Variants in FBXL15 observed in about 807,000 individuals in gnomAD.
The protein encoded by FBXL15 is F-box and leucine rich repeat protein 15.
A neutral mutation model predicts 23.6 loss-of-function variants in FBXL15; 19 were observed. The observed-to-expected ratio is 0.81, with a 90% CI of 0.56 to 1.18. The LOEUF is 1.18. Among genes scored for constraint, FBXL15 ranks in the 50% most tolerant of loss-of-function variants. The pLI is 0.00. For missense variants in FBXL15, 385 were observed against 425.4 expected, an observed-to-expected ratio of 0.91 and a Z score of 0.83; for synonymous variants, 224 against 207.7, an observed-to-expected ratio of 1.08 and a Z score of -0.67.
chr10:102,421,113 C>T lies in FBXL15; in HGVS notation c.-17C>T. The T allele has an allele frequency of 6.2e-7, 1 of 1,604,178 alleles. No homozygotes were observed. The highest frequency in any genetic ancestry group is 8.5e-7 in the Non-Finnish European group (1 of 1,175,252). ...CAAAGCGAGAAAATCTTACTGCGCA[C>T]GCGCAATAGACAGCCGATGGAGCCA... On this transcript the variant is annotated 5_prime_UTR_variant, in exon 1 of 4. The change creates a new upstream start codon in the 5' untranslated region. Coordinates refer to ENST00000369956, the MANE Select transcript of FBXL15 (RefSeq NM_024326.4).
chr10:102,421,494 T>G lies in FBXL15; in HGVS notation c.194T>G (p.Phe65Cys), dbSNP rs2135467637. The change falls in exon 2 of 4, where the codon TTC becomes TGC. Residue 65 changes from phenylalanine (F) to cysteine (C), a missense_variant. By Grantham distance (205) the Phe-to-Cys change is radical. Around this residue, in one of 2 missense-constraint regions of FBXL15, gnomAD observed 130 missense variants for 95.1 expected, o/e 1.37. Coordinates refer to ENST00000369956, the MANE Select transcript of FBXL15 (RefSeq NM_024326.4). Reference sequence around the variant, plus strand: ...CTTCACCTGGCCGGGCTGCGTCGCTTCGATGCCGCGCAGGTGAGCCGGGGG... The same window carrying G: ...CTTCACCTGGCCGGGCTGCGTCGCTGCGATGCCGCGCAGGTGAGCCGGGGG... The part of the protein sequence containing the change: ...VQLHLAGLRR[F>C]DAAQVGPQIP... 1 of 1,477,804 alleles carries G rather than the reference T, an allele frequency of 6.8e-7. No homozygotes were observed. The highest frequency in any genetic ancestry group is 2.2e-4 in the Middle Eastern group (1 of 4,594). The allele number at this position is 1,477,804 out of a possible 1,614,324, so 91.5% of individuals were successfully genotyped here. A position where few individuals can be genotyped will look rare whatever the true frequency, so the allele number is the denominator to read the frequency against.
In FBXL15 at chr10:102,422,126, G is replaced by T; in HGVS notation, c.547G>T (p.Ala183Ser). ...CGCCTGCCGCCAGCTCAAGGACGAG[G>T]CCATCGTGTACCTGGCGCAGAGGCG... ...LTACRQLKDE[A>S]IVYLAQRRGA... is the part of the protein sequence containing the mutation. Residue 183 changes from alanine to serine, a missense_variant, in exon 3 of 4, where the codon GCC becomes TCC. By Grantham distance (99) the Ala-to-Ser change is moderately conservative. Coordinates refer to ENST00000369956, the MANE Select transcript of FBXL15 (RefSeq NM_024326.4). 1 of 1,559,500 alleles carries T rather than the reference G, an allele frequency of 6.4e-7. No homozygotes were observed. The highest frequency in any genetic ancestry group is 8.7e-7 in the Non-Finnish European group (1 of 1,152,912).
chr10:102,421,754 G>A (rs764378720), intron 2 of FBXL15, 33 bp from the exon 3 acceptor site: 11 of 1,527,108 alleles, frequency 7.2e-6, no homozygotes, highest in Non-Finnish European at 9.6e-6. Flanking sequence ...AGTGCGGGAC[G>A]GGCTGAGAGT....
intron 2 of FBXL15, 61 bp downstream of exon 2, chr10:102,421,568 C>G: frequency 7.0e-7 from 1 of 1,438,228 alleles, no homozygotes; most frequent in Non-Finnish European, 9.1e-7. Context: ...AGCCCAGCCC[C>G]CAGCCCCGCA....
In FBXL15 at chr10:102,421,166, G is replaced by C. The variant is rs2061555311; in HGVS notation, c.37G>C (p.Glu13Gln). 1 of 1,610,944 alleles carries C rather than the reference G, an allele frequency of 6.2e-7. No individual in the cohort carries two copies. The highest frequency in any genetic ancestry group is 1.1e-5 in the South Asian group (1 of 90,512). Residue 13 changes from glutamate to glutamine, a missense_variant, in exon 1 of 4, where the codon GAG (glutamate) becomes CAG (glutamine). By Grantham distance (29) the Glu-to-Gln change is conservative. Around this residue, in one of 2 missense-constraint regions of FBXL15, gnomAD observed 130 missense variants for 95.1 expected, o/e 1.37. Transcript: ENST00000369956. ...GATGGAGCCGTCCGGAGGGGAGCAA[G>C]AGCCCGGAGCCGTCAGGTACCGAGC... The part of the protein sequence containing the change: ...PPMEPSGGEQ[E>Q]PGAVRFLDLP...
At chr10:102,421,313 G>C (rs755215744) in intron 1 of FBXL15, 41 bp from the exon 2 acceptor site, 2 of 1,554,544 alleles carry the variant, frequency 1.3e-6, no homozygotes, top group Non-Finnish European at 1.7e-6. Flanking sequence ...GCAGGTAATA[G>C]TGGCCCCGGG....
chr10:102,420,944 A>C lies in FBXL15; in HGVS notation c.-186A>C. ...CCTGTAGCCGAGAAGGCGAGGCCTAATGTTACACCACCGGTCTGTTCCGCC... is the reference window on the plus strand; with the variant it reads ...CCTGTAGCCGAGAAGGCGAGGCCTACTGTTACACCACCGGTCTGTTCCGCC... On this transcript the variant is annotated 5_prime_UTR_variant, in exon 1 of 4. The change abolishes an upstream ATG in the 5' untranslated region. Transcript: ENST00000369956. 3 of 1,474,244 alleles carry C rather than the reference A, an allele frequency of 2.0e-6. No individual in the cohort carries two copies. The highest frequency in any genetic ancestry group is 1.8e-6 in the Non-Finnish European group (2 of 1,110,218). 91.3% of individuals were successfully genotyped at this position (1,474,244 alleles called of 1,614,324 possible). A position where few individuals can be genotyped will look rare whatever the true frequency, so the allele number is the denominator to read the frequency against.
In FBXL15 at chr10:102,423,104, C is replaced by T. The variant is rs925422422; in HGVS notation, c.*111C>T. On this transcript the variant is annotated 3_prime_UTR_variant, in exon 4 of 4. Transcript: ENST00000369956. The surrounding 1 kb of genome is among the most constrained non-coding windows in gnomAD (Gnocchi z 5.6). ...GTGAGAGGCCAGTGCCCTGCCCCAC[C>T]CTGGAGCTTCAAATAAAGAGCTTTT... 5.2e-6 allele frequency: 6 copies of T among 1,162,122 alleles called. No individual in the cohort carries two copies. In the South Asian group the frequency reaches 9.7e-5, roughly 19 times the overall value. 72.0% of individuals were successfully genotyped at this position (1,162,122 alleles called of 1,614,324 possible).
chr10:102,421,477 G>A lies in FBXL15; in HGVS notation c.177G>A (p.Leu59=), dbSNP rs1347426270. The A allele has an allele frequency of 1.2e-5, 18 of 1,501,418 alleles. No homozygotes were observed. Among genetic ancestry groups the A allele is most frequent in the Non-Finnish European group, 1.5e-5 (17 of 1,128,610 alleles). 93.0% of individuals were successfully genotyped at this position (1,501,418 alleles called of 1,614,324 possible). ...RAFRSLVQLH[L]AGLRRFDAAQ... The stretch of plus-strand genomic sequence containing the variant: ...TCCGGTCGCTGGTGCAGCTTCACCT[G>A]GCCGGGCTGCGTCGCTTCGATGCCG... Residue 59 remains leucine (L), a synonymous_variant, in exon 2 of 4, where the codon CTG becomes CTA. Coordinates refer to ENST00000369956, the MANE Select transcript of FBXL15 (RefSeq NM_024326.4).
chr10:102,422,050 G>C lies in FBXL15; in HGVS notation c.471G>C (p.Ala157=). Reference sequence around the variant, plus strand: ...ACTGTGACTGGGTGGACGGGCTGGCGCTGCGCGGCCTCGCTGATCGCTGCC... The same window carrying C: ...ACTGTGACTGGGTGGACGGGCTGGCCCTGCGCGGCCTCGCTGATCGCTGCC... The part of the protein sequence containing the change: ...LAHCDWVDGL[A]LRGLADRCPA... Residue 157 remains alanine, a synonymous_variant, in exon 3 of 4, where the codon GCG becomes GCC. Coordinates refer to ENST00000369956, the MANE Select transcript of FBXL15 (RefSeq NM_024326.4). The C allele has an allele frequency of 1.3e-6, 2 of 1,592,106 alleles. No homozygotes were observed. The highest frequency in any genetic ancestry group is 1.7e-6 in the Non-Finnish European group (2 of 1,174,586).
rs774491055 is a variant in FBXL15 at position 102,421,939 on chromosome 10, G to A, written c.360G>A (p.Ala120=). The change falls in exon 3 of 4, where the codon GCG becomes GCA. Residue 120 remains alanine (A), a synonymous_variant. Transcript: ENST00000369956. ...GGAATCCGCAGCTGCGGAGTGTGGC[G>A]TTGGGCGGCTGCGGGCAACTGAGTC... ...LARNPQLRSV[A]LGGCGQLSRR... is the part of the protein sequence containing the mutation. 1.9e-5 allele frequency: 30 copies of A among 1,603,550 alleles called. No individual in the cohort carries two copies. The South Asian group carries it at 3.2e-4, about 17-fold the overall frequency.
intron 1 of FBXL15, 78 bp downstream of exon 1, chr10:102,421,260 G>A: frequency 1.9e-6 from 3 of 1,569,436 alleles, no homozygotes; most frequent in Middle Eastern, 3.4e-4. Context: ...TCTGGGGGCC[G>A]CTCTTGGGAG....
rs762953022 is a variant in FBXL15, at chr10:102,421,447, G to A, written c.147G>A (p.Arg49=). The change falls in exon 2 of 4, where the codon CGG becomes CGA. Residue 49 remains arginine, a synonymous_variant. Coordinates refer to ENST00000369956, the MANE Select transcript of FBXL15 (RefSeq NM_024326.4). ...RQLLRLQRVS[R]AFRSLVQLHL... ...TGCTCCGGCTGCAGCGCGTTAGCCG[G>A]GCCTTCCGGTCGCTGGTGCAGCTTC... The A allele has an allele frequency of 6.5e-7, 1 of 1,540,944 alleles. No homozygotes were observed.
At chr10:102,422,337 C>T (rs2061574567) in intron 3 of FBXL15, 45 bp downstream of exon 3, 2 of 1,470,958 alleles carry the variant, frequency 1.4e-6, no homozygotes, top group East Asian at 4.9e-5. Flanking sequence ...CACTTAGCCT[C>T]TGCTGGTATG....
rs1474802667 is a variant in FBXL15, at chr10:102,422,131, C to G, written c.552C>G (p.Ile184Met). Residue 184 changes from isoleucine to methionine, a missense_variant, in exon 3 of 4, where the codon ATC becomes ATG. Transcript: ENST00000369956. ...TACRQLKDEA[I>M]VYLAQRRGAG... ...GCCGCCAGCTCAAGGACGAGGCCAT[C>G]GTGTACCTGGCGCAGAGGCGCGGCG... 6.4e-7 allele frequency: 1 copy of G among 1,557,514 alleles called. No individual in the cohort carries two copies. Among genetic ancestry groups the G allele is most frequent in the Non-Finnish European group, 8.7e-7 (1 of 1,151,638 alleles).
Position 102,421,457 on chromosome 10 carries a change from T to C in FBXL15, c.157T>C (p.Ser53Pro). Residue 53 changes from serine to proline, a missense_variant, in exon 2 of 4, where the codon TCG becomes CCG. Physicochemically the swap from Ser to Pro is moderately conservative, Grantham distance 74. Coordinates refer to ENST00000369956, the MANE Select transcript of FBXL15 (RefSeq NM_024326.4). ...GCAGCGCGTTAGCCGGGCCTTCCGG[T>C]CGCTGGTGCAGCTTCACCTGGCCGG... Reference protein sequence around the residue: ...RLQRVSRAFRSLVQLHLAGLR... With the variant: ...RLQRVSRAFRPLVQLHLAGLR... 1 of 1,530,080 alleles carries C rather than the reference T, an allele frequency of 6.5e-7. No individual in the cohort carries two copies. Among genetic ancestry groups the C allele is most frequent in the Non-Finnish European group, 8.8e-7 (1 of 1,140,904 alleles). 94.8% of individuals were successfully genotyped at this position (1,530,080 alleles called of 1,614,324 possible). A position where few individuals can be genotyped will look rare whatever the true frequency, so the allele number is the denominator to read the frequency against.
chr10:102,421,595 C>G (rs773068342), intron 2 of FBXL15, 88 bp downstream of exon 2: 1 of 1,427,368 alleles, frequency 7.0e-7, no homozygotes, highest in East Asian at 2.5e-5. Context: ...CCTTCTGGAC[C>G]CCCTTGGGCC....
chr10:102,421,328 C>T (rs1419907222), intron 1 of FBXL15, 26 bp from the exon 2 acceptor site: 1 of 1,553,686 alleles, frequency 6.4e-7, no homozygotes, highest in Non-Finnish European at 8.7e-7. Context: ...CCCGGGACGC[C>T]AGTGCCAACG....
In FBXL15 at chr10:102,421,490, C is replaced by T. The variant is rs1305160082; in HGVS notation, c.190C>T (p.Arg64Cys). Residue 64 changes from arginine to cysteine, a missense_variant, in exon 2 of 4, where the codon CGC becomes TGC. Around this residue, in one of 2 missense-constraint regions of FBXL15, gnomAD observed 130 missense variants for 95.1 expected, o/e 1.37. Transcript: ENST00000369956. ...GCAGCTTCACCTGGCCGGGCTGCGT[C>T]GCTTCGATGCCGCGCAGGTGAGCCG... ...LVQLHLAGLR[R>C]FDAAQVGPQI... The T allele has an allele frequency of 2.0e-6, 3 of 1,480,136 alleles. No homozygotes were observed. Among genetic ancestry groups the T allele is most frequent in the South Asian group, 2.6e-5 (2 of 76,502 alleles). 91.7% of individuals were successfully genotyped at this position (1,480,136 alleles called of 1,614,324 possible). A position where few individuals can be genotyped will look rare whatever the true frequency, so the allele number is the denominator to read the frequency against.
Sources: allele counts gnomAD v4.1 joint callset, GRCh38; gene constraint gnomAD v4.1.1; regional missense constraint gnomAD v4.1.1; non-coding constraint Gnocchi (gnomAD v3.1); transcripts MANE v1.5; gene names NCBI Gene and HGNC (gene_info 2026-07-23, HGNC 2026-07-21).